Variants in RP1L1 observed in about 807,000 individuals in gnomAD.
The protein encoded by RP1L1 is retinitis pigmentosa 1-like 1 protein.
A neutral mutation model predicts 15.7 loss-of-function variants in RP1L1; 27 were observed. The ratio of observed to expected loss-of-function variants is 1.72; its 90% CI spans 1.27 to 2.38. RP1L1 has a LOEUF of 2.38. Ranked by LOEUF, RP1L1 falls within the 30% of genes most tolerant of loss-of-function variation. RP1L1 has a pLI of 0.00. For synonymous variants in RP1L1, 1,813 were observed against 1,276.7 expected (o/e 1.42, Z -8.96); for missense variants, 4,798 against 3,075.9 (o/e 1.56, Z -13.24).
chr8:10,618,762 T>G (rs1355159795), intron 2 of RP1L1, among the ~76,000 whole-genome samples: 1 of 152,222 alleles, frequency 6.6e-6, no homozygotes, highest in African/African-American at 2.4e-5. Flanking sequence ...GTGTAGTGAA[T>G]GCTATGCCCC....
At position 10,622,953 on chromosome 8, in the gene RP1L1, T is replaced by G. The variant is rs201392821; in HGVS notation, c.249A>C (p.Thr83=). The part of the protein sequence containing the change: ...PLSFGVRSVT[T]PRGLHSLSAL... ...CGCTGAGGCTATGCAGGCCCCGGGGTGTGGTGACAGAGCGCACCCCAAAGG... is the reference window on the plus strand; with the variant it reads ...CGCTGAGGCTATGCAGGCCCCGGGGGGTGGTGACAGAGCGCACCCCAAAGG... The change falls in exon 2 of 4, where the codon ACA becomes ACC. Residue 83 remains threonine (T), a synonymous_variant. Coordinates refer to ENST00000382483, the MANE Select transcript of RP1L1 (RefSeq NM_178857.6). 2 of 1,613,680 alleles carry G rather than the reference T, an allele frequency of 1.2e-6. No individual in the cohort carries two copies. The highest frequency in any genetic ancestry group is 1.7e-6 in the Non-Finnish European group (2 of 1,179,966).
intron 1 of RP1L1, among the ~76,000 whole-genome samples, chr8:10,653,223 G>A (rs1354949510): frequency 6.6e-6 from 1 of 152,202 alleles, no homozygotes; most frequent in Admixed American, 6.5e-5. Context: ...GCGTTTTACA[G>A]GGAAAGGTTA....
Position 10,612,515 on chromosome 8 carries a change from T to C in RP1L1, c.1583A>G (p.Glu528Gly), listed in dbSNP as rs1352310919. The C allele has an allele frequency of 6.2e-7, 1 of 1,611,696 alleles. No individual in the cohort carries two copies. Among genetic ancestry groups the C allele is most frequent in the Admixed American group, 1.7e-5 (1 of 60,000 alleles). ...TGACGAGTCCGAAGAAGCCCCCTCC[T>C]CACTCCGGGCCCTCGGTGTCAGGCG... ...GGRLTPRARS[E>G]EGASSDSSAS... is the part of the protein sequence containing the mutation. The change falls in exon 4 of 4, where the codon GAG (glutamate) becomes GGG (glycine). Residue 528 changes from glutamate (E) to glycine (G), a missense_variant. Transcript: ENST00000382483.
intron 1 of RP1L1, among the ~76,000 whole-genome samples, chr8:10,642,816 C>T (rs1229145152): frequency 3.9e-5 from 6 of 152,088 alleles, no homozygotes; most frequent in African/African-American, 4.8e-5. Context: ...GATTTTTTCA[C>T]ATTAGAAAGC....
At chr8:10,635,397 C>T (rs940984836) in intron 1 of RP1L1, among the ~76,000 whole-genome samples, 1 of 152,224 alleles carries the variant, frequency 6.6e-6, no homozygotes, top group Non-Finnish European at 1.5e-5. Context: ...CCAGCGCACG[C>T]CAGAGATCCA....
chr8:10,638,921 G>T (rs1585996488), intron 1 of RP1L1, among the ~76,000 whole-genome samples: 1 of 152,112 alleles, frequency 6.6e-6, no homozygotes, highest in Admixed American at 6.5e-5. Flanking sequence ...GAAGCCAGCG[G>T]ATCACTTGAG....
Position 10,609,482 on chromosome 8 carries a change from G to A in RP1L1, c.4616C>T (p.Ala1539Val), listed in dbSNP as rs370759604. The part of the protein sequence containing the change: ...AFLAHLASAV[A>V]ELRARWGLQD... ...CAGGCCCCAGCGTGCTCGGAGCTCA[G>A]CCACCGCACTGGCAAGGTGGGCCAG... The change falls in exon 4 of 4, where the codon GCT becomes GTT. Residue 1539 changes from alanine (A) to valine (V), a missense_variant. Transcript: ENST00000382483. 3.1e-6 allele frequency: 5 copies of A among 1,611,526 alleles called. No individual in the cohort carries two copies. Among genetic ancestry groups the A allele is most frequent in the East Asian group, 2.2e-5 (1 of 44,878 alleles).
chr8:10,625,731 G>T (rs1285536402), intron 1 of RP1L1, among the ~76,000 whole-genome samples: 1 of 152,166 alleles, frequency 6.6e-6, no homozygotes, highest in African/African-American at 2.4e-5. Flanking sequence ...CTGTGGACAG[G>T]ACCACGCAGG....
Position 10,611,895 on chromosome 8 carries a change from T to C in RP1L1, c.2203A>G (p.Thr735Ala), listed in dbSNP as rs775270681. 1.2e-6 allele frequency: 2 copies of C among 1,613,802 alleles called. No individual in the cohort carries two copies. Among genetic ancestry groups the C allele is most frequent in the Admixed American group, 3.3e-5 (2 of 60,026 alleles). ...GSLPSQDLLG[T>A]SSATVTPAVH... ...GCAGGGGTGACAGTGGCACTGCTGGTTCCCAGAAGGTCCTGGGAAGGAAGA... is the reference window on the plus strand; with the variant it reads ...GCAGGGGTGACAGTGGCACTGCTGGCTCCCAGAAGGTCCTGGGAAGGAAGA... The change falls in exon 4 of 4, where the codon ACC becomes GCC. Residue 735 changes from threonine to alanine, a missense_variant. Physicochemically the swap from Thr to Ala is moderately conservative, Grantham distance 58. Coordinates refer to ENST00000382483, the MANE Select transcript of RP1L1 (RefSeq NM_178857.6).
chr8:10,626,364 C>T (rs1183258615), intron 1 of RP1L1, among the ~76,000 whole-genome samples: 1 of 152,172 alleles, frequency 6.6e-6, no homozygotes, highest in Non-Finnish European at 1.5e-5. Flanking sequence ...TGATCAATAT[C>T]ACACGCGGAT....
chr8:10,619,667 CT>C (rs910783855), intron 2 of RP1L1, among the ~76,000 whole-genome samples: 1 of 152,128 alleles, frequency 6.6e-6, no homozygotes, highest in African/African-American at 2.4e-5. Context: ...TGGCTCACAC[CT>C]GTAATCCCAG....
At chr8:10,641,397 G>C (rs1798404778) in intron 1 of RP1L1, among the ~76,000 whole-genome samples, 1 of 152,192 alleles carries the variant, frequency 6.6e-6, no homozygotes, top group South Asian at 2.1e-4. Flanking sequence ...AAATAAATGT[G>C]TTGGACTAAG....
chr8:10,631,289 G>A (rs113631678), intron 1 of RP1L1, among the ~76,000 whole-genome samples: 21 of 130,122 alleles, frequency 1.6e-4, no homozygotes, highest in East Asian at 9.2e-4. Flanking sequence ...GCACACACAC[G>A]CACACAAACA....
chr8:10,653,311 G>A (rs980593800), intron 1 of RP1L1, among the ~76,000 whole-genome samples: 1 of 152,090 alleles, frequency 6.6e-6, no homozygotes, highest in South Asian at 2.1e-4. Flanking sequence ...GGAAAGAACC[G>A]AAGGCTTGTT....
At chr8:10,616,335 G>T in intron 3 of RP1L1, 111 bp downstream of exon 3, 2 of 1,402,990 alleles carry the variant, frequency 1.4e-6, no homozygotes, top group Non-Finnish European at 2.0e-6. Context: ...GGATACCCAA[G>T]ATCTGGGGCC....
At chr8:10,631,024 G>C (rs549413118) in intron 1 of RP1L1, among the ~76,000 whole-genome samples, 1 of 152,302 alleles carries the variant, frequency 6.6e-6, no homozygotes, top group East Asian at 1.9e-4. Context: ...GCTCTCAGGG[G>C]GAATGGCTTT....
intron 1 of RP1L1, among the ~76,000 whole-genome samples, chr8:10,652,284 A>G: frequency 6.6e-6 from 1 of 152,222 alleles, no homozygotes; most frequent in Non-Finnish European, 1.5e-5. Flanking sequence ...GTAATATGAT[A>G]CACGTCACAG....
At chr8:10,620,389 T>G (rs1798039412) in intron 2 of RP1L1, among the ~76,000 whole-genome samples, 2 of 152,130 alleles carry the variant, frequency 1.3e-5, no homozygotes, top group Admixed American at 1.3e-4. Flanking sequence ...ATGAGTCACC[T>G]GAGGTCAGGA....
rs373265974 is a variant in RP1L1, at chr8:10,632,884, A to T, written c.-19-9664T>A. Among the ~76,000 whole-genome samples, 315 of 152,232 alleles carry T rather than the reference A, an allele frequency of 2.1e-3. 3 individuals carry two copies. The highest frequency in any genetic ancestry group is 7.2e-3 in the African/African-American group (297 of 41,530). On this transcript the variant is annotated intron_variant, in intron 1 of 3. Transcript: ENST00000382483. ...CCAAGAATGAGCTATCCCTTTAAGG[A>T]TGCCCAGCCCATCCTTCAGCGCCAT... is the stretch of plus-strand genomic sequence containing the variant.
Sources: gnomAD v4.1 joint callset for allele counts (sites outside exome capture counted in the v4.1 genomes callset) on GRCh38, gnomAD v4.1.1 for gene constraint, MANE v1.5 for transcripts, NCBI Gene and HGNC (gene_info 2026-07-23, HGNC 2026-07-21) for gene names.